The following HECW1 variants were observed in gnomAD, a reference collection of about 807,000 sequenced individuals.
HECW1 encodes HECT, C2 and WW domain containing E3 ubiquitin protein ligase 1, also known as E3 ubiquitin-protein ligase HECW1.
HECW1 carries 61 observed loss-of-function variants against 182.3 expected under a neutral mutation model. The ratio of observed to expected loss-of-function variants is 0.33; its 90% CI spans 0.27 to 0.41. The LOEUF (loss-of-function observed/expected upper bound fraction) is 0.41. HECW1 is among the 10% of genes least tolerant of loss of function. The pLI, the probability that HECW1 is intolerant of heterozygous loss-of-function variation, is 1.00. For missense variants in HECW1, 1,739 were observed against 2,108.9 expected, an observed-to-expected ratio of 0.82 and a Z score of 3.44; for synonymous variants, 859 against 832.6, an observed-to-expected ratio of 1.03 and a Z score of -0.55.
At chr7:43,508,917 C>T (rs2304323) in intron 23 of HECW1, 52 bp from the exon 24 acceptor site, 289,252 of 1,591,916 alleles carry the variant, frequency 0.18, 28,351 homozygotes, top group South Asian at 0.21. Context: ...CAAACAGGTC[C>T]CCCCACCTCC....
chr7:43,389,879 C>T (rs1016728140), intron 6 of HECW1, among the ~76,000 whole-genome samples: 7 of 152,110 alleles, frequency 4.6e-5, no homozygotes, highest in Non-Finnish European at 8.8e-5. Context: ...GTGATCCTTC[C>T]ACTTTGGCCT....
intron 11 of HECW1, among the ~76,000 whole-genome samples, chr7:43,447,239 C>T (rs1584937500): frequency 6.6e-6 from 1 of 151,906 alleles, no homozygotes; most frequent in African/African-American, 2.4e-5. Context: ...TGTTTTAGTG[C>T]ACAGTTTTTT....
At chr7:43,361,058 G>A (rs1453516667) in intron 6 of HECW1, 78 bp downstream of exon 6, 21 of 56,396 alleles carry the variant, frequency 3.7e-4, no homozygotes, top group Non-Finnish European at 5.2e-4. Flanking sequence ...TTGTGCGTGC[G>A]TGTGTGTGTG....
intron 2 of HECW1, chr7:43,239,209 T>C (rs1393659735): frequency 6.6e-6 from 1 of 152,208 alleles, no homozygotes; most frequent in African/African-American, 2.4e-5. Context: ...GTGAAACTCT[T>C]CATCCCACCT....
chr7:43,181,599 AT>A (rs1239299188), intron 2 of HECW1, among the ~76,000 whole-genome samples: 4 of 150,678 alleles, frequency 2.7e-5, no homozygotes, highest in Admixed American at 2.0e-4. Flanking sequence ...GATGTTGAGT[AT>A]TTTTTTACAT....
chr7:43,447,219 C>T (rs1562990989), intron 11 of HECW1, among the ~76,000 whole-genome samples: 1 of 152,108 alleles, frequency 6.6e-6, no homozygotes, highest in African/African-American at 2.4e-5. Context: ...AGCTCAGAGC[C>T]ATACAACCCT....
intron 3 of HECW1, among the ~76,000 whole-genome samples, chr7:43,258,996 C>G (rs1039072062): frequency 7.9e-5 from 12 of 152,092 alleles, no homozygotes; most frequent in African/African-American, 2.9e-4. Flanking sequence ...TGAATGATCT[C>G]TTTTACCTTA....
intron 3 of HECW1, among the ~76,000 whole-genome samples, chr7:43,259,345 G>C (rs11770215): frequency 0.37 from 55,094 of 150,938 alleles, 11,270 homozygotes; most frequent in African/African-American, 0.56. Context: ...TGAGATCGCA[G>C]TGCTGCGCTC....
intron 6 of HECW1, among the ~76,000 whole-genome samples, chr7:43,365,312 G>A (rs1458090267): frequency 6.6e-6 from 1 of 152,380 alleles, no homozygotes; most frequent in East Asian, 1.9e-4. Context: ...ACCTGGCAGT[G>A]CAGTGGGCCT....
At chr7:43,496,445 C>T (rs1187305986) in intron 19 of HECW1, among the ~76,000 whole-genome samples, 1 of 152,054 alleles carries the variant, frequency 6.6e-6, no homozygotes, top group Non-Finnish European at 1.5e-5. Context: ...AAGCAAAGAG[C>T]AAGAACTTGT....
chr7:43,302,211 GCTTCTCAA>G (rs1298635733), intron 3 of HECW1, among the ~76,000 whole-genome samples: 1 of 148,998 alleles, frequency 6.7e-6, no homozygotes, highest in Non-Finnish European at 1.5e-5. Context: ...GGCTCCTCAG[GCTTCTCAA>G]CAAGCCTGAG....
rs893925023 is a variant in HECW1, at chr7:43,304,845, T to A, written c.28-6918T>A. On this transcript the variant is annotated intron_variant, in intron 3 of 29. Transcript: ENST00000395891. ...CTATGTTCTTGCCAGGCACTACTTT[T>A]GCTGGAAATGCAGACCTAAAGGAGC... is the stretch of plus-strand genomic sequence containing the variant. Among the ~76,000 whole-genome samples the A allele has an allele frequency of 2.6e-5, 4 of 152,334 alleles. No homozygotes were observed. In the East Asian group the frequency reaches 7.7e-4, roughly 29 times the overall value.
chr7:43,357,540 T>C (rs1815317609), intron 5 of HECW1, among the ~76,000 whole-genome samples: 1 of 152,142 alleles, frequency 6.6e-6, no homozygotes, highest in East Asian at 1.9e-4. Flanking sequence ...GAGAGTAGAT[T>C]GGTGGTTACC....
chr7:43,162,598 C>T (rs1562616519), intron 2 of HECW1, among the ~76,000 whole-genome samples: 1 of 152,242 alleles, frequency 6.6e-6, no homozygotes, highest in Non-Finnish European at 1.5e-5. Context: ...GTCATATTCA[C>T]AGTTGCCAGG....
Position 43,442,595 on chromosome 7 carries a change from A to G in HECW1, c.1011A>G (p.Gln337=). Residue 337 remains glutamine, a synonymous_variant, in exon 10 of 30, where the codon CAA becomes CAG. Coordinates refer to ENST00000395891, the MANE Select transcript of HECW1 (RefSeq NM_015052.5). The part of the protein sequence containing the change: ...LPTDHVSGQL[Q]FRFEITSSIH... ...CAGATCATGTGAGTGGACAGCTGCA[A>G]TTCCGATTTGAGATCACTTCCTCCA... 6.2e-7 allele frequency: 1 copy of G among 1,613,974 alleles called. No homozygotes were observed. The highest frequency in any genetic ancestry group is 1.1e-5 in the South Asian group (1 of 91,036).
intron 3 of HECW1, among the ~76,000 whole-genome samples, chr7:43,261,274 T>A (rs536560088): frequency 1.3e-5 from 2 of 152,328 alleles, no homozygotes; most frequent in Non-Finnish European, 2.9e-5. Flanking sequence ...AATTGCCTTT[T>A]TTTCCCCTTA....
At chr7:43,532,495 C>T (rs1334878323) in intron 24 of HECW1, among the ~76,000 whole-genome samples, 1 of 152,182 alleles carries the variant, frequency 6.6e-6, no homozygotes, top group Non-Finnish European at 1.5e-5. Context: ...CTGCCAAGTC[C>T]GGCATGATCT....
chr7:43,121,881 A>G (rs1785654827), intron 2 of HECW1: 1 of 152,206 alleles, frequency 6.6e-6, no homozygotes, highest in South Asian at 2.1e-4. Flanking sequence ...TACTTGCCTC[A>G]GTATCTGCCT....
intron 17 of HECW1, among the ~76,000 whole-genome samples, chr7:43,486,080 C>T (rs1197802348): frequency 2.6e-5 from 4 of 151,744 alleles, no homozygotes; most frequent in Admixed American, 2.6e-4. Context: ...CATTGTTCAA[C>T]TCCCACTTAT....
Sources: allele counts gnomAD v4.1 joint callset (sites outside exome capture counted in the v4.1 genomes callset), GRCh38; gene constraint gnomAD v4.1.1; transcripts MANE v1.5; gene names NCBI Gene and HGNC (gene_info 2026-07-23, HGNC 2026-07-21).